The following MFSD6 variants were observed in gnomAD, a reference collection of about 807,000 sequenced individuals.
The protein encoded by MFSD6 is major facilitator superfamily domain containing 6.
In MFSD6, 26 loss-of-function variants were observed where a neutral mutation model predicts 56.3. That is an observed-to-expected ratio of 0.46 (90% CI 0.34 to 0.64). The LOEUF (loss-of-function observed/expected upper bound fraction) is 0.64, where lower values mean the gene tolerates loss of function less well. MFSD6 is among the 30% of genes least tolerant of loss of function. The pLI, the probability that MFSD6 is intolerant of heterozygous loss-of-function variation, is 0.01. For missense variants in MFSD6, 750 were observed against 986.2 expected (o/e 0.76, Z 3.21); for synonymous variants, 331 against 366.9 (o/e 0.90, Z 1.12).
At chr2:190,430,207 C>G (rs905132541) in intron 2 of MFSD6, among the ~76,000 whole-genome samples, 1 of 132,112 alleles carries the variant, frequency 7.6e-6, no homozygotes, top group Admixed American at 7.7e-5. Flanking sequence ...AGTCCTCATT[C>G]TTTTTTTTTT....
rs891629239 is a variant in MFSD6 at position 190,497,725 on chromosome 2, G to A, written c.2172+6G>A. On this transcript the variant is annotated splice_donor_region_variant and intron_variant, in intron 7 of 7. Transcript: ENST00000392328. The surrounding 1 kb of genome is among the most constrained non-coding windows in gnomAD (Gnocchi z 5.2). ...CTGAGATACAGCCTTTACAGGTACA[G>A]TTCCTTTGCTGGGCTAGCAATATTA... 4.4e-6 allele frequency: 7 copies of A among 1,607,488 alleles called. No individual in the cohort carries two copies. The African/African-American group carries it at 6.7e-5, about 15-fold the overall frequency.
chr2:190,408,041 G>T (rs1421404086), upstream of MFSD6, among the ~76,000 whole-genome samples: 1 of 152,132 alleles, frequency 6.6e-6, no homozygotes, highest in Non-Finnish European at 1.5e-5. Context: ...TGCTCCCCGG[G>T]CCCGGCTGGG....
Position 190,458,012 on chromosome 2 carries a change from A to G in MFSD6, c.1533-11746A>G, listed in dbSNP as rs1415676432. 6.6e-6 allele frequency among the ~76,000 whole-genome samples: 1 copy of G among 152,212 alleles called. No individual in the cohort carries two copies. The highest frequency in any genetic ancestry group is 1.9e-4 in the East Asian group (1 of 5,202). On this transcript the variant is annotated intron_variant, in intron 3 of 7. Coordinates refer to ENST00000392328, the MANE Select transcript of MFSD6 (RefSeq NM_017694.4). The surrounding 1 kb of genome is among the most constrained non-coding windows in gnomAD (Gnocchi z 5.3). ...TACAAAATGCGAAGAGTCCTCCTCT[A>G]AGGATACAGCCTCACTCTGACTGTT... is the stretch of plus-strand genomic sequence containing the variant.
chr2:190,435,010 G>A (rs1686129843), intron 2 of MFSD6, among the ~76,000 whole-genome samples: 1 of 152,172 alleles, frequency 6.6e-6, no homozygotes, highest in Non-Finnish European at 1.5e-5. Context: ...TGCTCCTTAT[G>A]AGAACCTAAG....
intron 6 of MFSD6, among the ~76,000 whole-genome samples, chr2:190,493,863 G>A (rs1242975151): frequency 6.6e-6 from 1 of 152,060 alleles, no homozygotes; most frequent in African/African-American, 2.4e-5. Context: ...TACAGCAAAG[G>A]CAATGCTAAG....
chr2:190,445,162 C>A (rs1049136551), intron 3 of MFSD6, among the ~76,000 whole-genome samples: 3 of 152,088 alleles, frequency 2.0e-5, no homozygotes, highest in Middle Eastern at 3.2e-3. Context: ...CAGTTTTATT[C>A]ATCTGTAAAT....
At position 190,457,483 on chromosome 2, in the gene MFSD6, C is replaced by T. The variant is rs1263671514; in HGVS notation, c.1533-12275C>T. On this transcript the variant is annotated intron_variant, in intron 3 of 7. Transcript: ENST00000392328. This position sits in a 1 kb window ranked among gnomAD's most constrained non-coding sequence, Gnocchi z 5.1. The stretch of plus-strand genomic sequence containing the variant: ...AAAAATGTGCACAAAGCCATTCAAA[C>T]AGACCATCTAGCCAGTGATAGGGGA... Among the ~76,000 whole-genome samples the T allele has an allele frequency of 2.0e-5, 3 of 152,182 alleles. No homozygotes were observed. Among genetic ancestry groups the T allele is most frequent in the African/African-American group, 7.2e-5 (3 of 41,436 alleles).
chr2:190,419,652 T>C (rs564505285), intron 2 of MFSD6, among the ~76,000 whole-genome samples: 18 of 152,396 alleles, frequency 1.2e-4, no homozygotes, highest in South Asian at 2.1e-4. Flanking sequence ...TCTTCAAAAG[T>C]TGAATCCATT....
rs755649957 is a variant in MFSD6 at position 190,465,785 on chromosome 2, G to A, written c.1533-3973G>A. On this transcript the variant is annotated intron_variant, in intron 3 of 7. Coordinates refer to ENST00000392328, the MANE Select transcript of MFSD6 (RefSeq NM_017694.4). The surrounding 1 kb of genome is among the most constrained non-coding windows in gnomAD (Gnocchi z 4.6). ...AGGCAGGTGGATCACTTTAGGTTTGGAGTTCAAGACCAGCCTGGCCAACAT... is the reference window on the plus strand; with the variant it reads ...AGGCAGGTGGATCACTTTAGGTTTGAAGTTCAAGACCAGCCTGGCCAACAT... 6.6e-6 allele frequency among the ~76,000 whole-genome samples: 1 copy of A among 152,070 alleles called. No individual in the cohort carries two copies. The highest frequency in any genetic ancestry group is 1.5e-5 in the Non-Finnish European group (1 of 68,006).
Position 190,497,309 on chromosome 2 carries a change from G to A in MFSD6, c.1892-130G>A. The stretch of plus-strand genomic sequence containing the variant: ...CAAGTAATGAAGTCATTGGTAACCA[G>A]CAATTTATTAATATTATCAAGCACT... On this transcript the variant is annotated intron_variant, in intron 6 of 7. Coordinates refer to ENST00000392328, the MANE Select transcript of MFSD6 (RefSeq NM_017694.4). The surrounding 1 kb of genome is among the most constrained non-coding windows in gnomAD (Gnocchi z 5.2). 1.0e-6 allele frequency: 1 copy of A among 1,004,384 alleles called. No homozygotes were observed. Among genetic ancestry groups the A allele is most frequent in the Admixed American group, 2.6e-5 (1 of 38,286 alleles). 62.2% of individuals were successfully genotyped at this position (1,004,384 alleles called of 1,614,324 possible). A position where few individuals can be genotyped will look rare whatever the true frequency, so the allele number is the denominator to read the frequency against.
chr2:190,432,103 A>G (rs1686024914), intron 2 of MFSD6, among the ~76,000 whole-genome samples: 1 of 152,146 alleles, frequency 6.6e-6, no homozygotes, highest in Non-Finnish European at 1.5e-5. Flanking sequence ...TATTTAGTGG[A>G]AGGTCTTGAT....
Position 190,458,445 on chromosome 2 carries a change from C to G in MFSD6, c.1533-11313C>G, listed in dbSNP as rs1687155110. On this transcript the variant is annotated intron_variant, in intron 3 of 7. Transcript: ENST00000392328. This position sits in a 1 kb window ranked among gnomAD's most constrained non-coding sequence, Gnocchi z 5.3. ...AGGGGCCCTGGAGAAACCAACATTG[C>G]CAACACCTTGATTTTGGACTTTTGG... 7.0e-6 allele frequency among the ~76,000 whole-genome samples: 1 copy of G among 142,818 alleles called. No individual in the cohort carries two copies. Among genetic ancestry groups the G allele is most frequent in the African/African-American group, 2.5e-5 (1 of 39,362 alleles). The allele number at this position is 142,818 out of a possible 152,430, so 93.7% of individuals were successfully genotyped here. A position where few individuals can be genotyped will look rare whatever the true frequency, so the allele number is the denominator to read the frequency against.
In MFSD6 at chr2:190,490,920, G is replaced by A. The variant is rs545892884; in HGVS notation, c.1891+1054G>A. 6.6e-6 allele frequency among the ~76,000 whole-genome samples: 1 copy of A among 152,120 alleles called. No individual in the cohort carries two copies. The highest frequency in any genetic ancestry group is 2.4e-5 in the African/African-American group (1 of 41,428). Reference sequence around the variant, plus strand: ...TGAGTTACTCAGAAAGAGCAATACTGTTTTTTCTTACTTTTGTTCTTTTAT... The same window carrying A: ...TGAGTTACTCAGAAAGAGCAATACTATTTTTTCTTACTTTTGTTCTTTTAT... On this transcript the variant is annotated intron_variant, in intron 6 of 7. Transcript: ENST00000392328. This position sits in a 1 kb window ranked among gnomAD's most constrained non-coding sequence, Gnocchi z 4.5.
rs1267509560 is a variant in MFSD6 at position 190,434,159 on chromosome 2, T to A, written c.-53-1818T>A. Among the ~76,000 whole-genome samples the A allele has an allele frequency of 7.0e-6, 1 of 143,532 alleles. No homozygotes were observed. The highest frequency in any genetic ancestry group is 1.5e-5 in the Non-Finnish European group (1 of 66,772). 94.2% of individuals were successfully genotyped at this position (143,532 alleles called of 152,430 possible). A position where few individuals can be genotyped will look rare whatever the true frequency, so the allele number is the denominator to read the frequency against. On this transcript the variant is annotated intron_variant, in intron 2 of 7. Coordinates refer to ENST00000392328, the MANE Select transcript of MFSD6 (RefSeq NM_017694.4). The surrounding 1 kb of genome is among the most constrained non-coding windows in gnomAD (Gnocchi z 4.3). ...TTACACCACTGCACTCCAGCCTGGG[T>A]GACAGAGTAAGACCCTGTCTCTCAA...
At chr2:190,479,837 G>A (rs1337245770) in intron 4 of MFSD6, among the ~76,000 whole-genome samples, 1 of 152,220 alleles carries the variant, frequency 6.6e-6, no homozygotes, top group Non-Finnish European at 1.5e-5. Context: ...GTGGGAGCCG[G>A]GTTAAGATTT....
At position 190,438,385 on chromosome 2, in the gene MFSD6, A is replaced by G. The variant is rs1247900110; in HGVS notation, c.1532+824A>G. Reference sequence around the variant, plus strand: ...ACAAAAGTTAGCCGGGCATGGTGGCACGCACCCGTAGTCCCAGCTACTCGG... The same window carrying G: ...ACAAAAGTTAGCCGGGCATGGTGGCGCGCACCCGTAGTCCCAGCTACTCGG... On this transcript the variant is annotated intron_variant, in intron 3 of 7. Coordinates refer to ENST00000392328, the MANE Select transcript of MFSD6 (RefSeq NM_017694.4). The surrounding 1 kb of genome is among the most constrained non-coding windows in gnomAD (Gnocchi z 5.2). Among the ~76,000 whole-genome samples, 1 of 152,074 alleles carries G rather than the reference A, an allele frequency of 6.6e-6. No individual in the cohort carries two copies. The highest frequency in any genetic ancestry group is 1.5e-5 in the Non-Finnish European group (1 of 68,008).
intron 1 of MFSD6, chr2:190,411,597 A>G: frequency 1.0e-6 from 1 of 978,912 alleles, no homozygotes; most frequent in South Asian, 4.7e-5. Context: ...ACTAAAAAGG[A>G]AAACAAAAGA....
intron 2 of MFSD6, among the ~76,000 whole-genome samples, chr2:190,430,768 C>T (rs1363399581): frequency 6.6e-6 from 1 of 151,906 alleles, no homozygotes; most frequent in East Asian, 1.9e-4. Flanking sequence ...CTCCTCACTT[C>T]CCAGAAGGGG....
chr2:190,470,907 A>ATG (rs1193155015), intron 4 of MFSD6, among the ~76,000 whole-genome samples: 1 of 152,018 alleles, frequency 6.6e-6, no homozygotes, highest in Non-Finnish European at 1.5e-5. Context: ...ATTCAAGTAT[A>ATG]TATATATATA....
Sources: allele counts gnomAD v4.1 joint callset (sites outside exome capture counted in the v4.1 genomes callset), GRCh38; gene constraint gnomAD v4.1.1; non-coding constraint Gnocchi (gnomAD v3.1); transcripts MANE v1.5; gene names NCBI Gene and HGNC (gene_info 2026-07-23, HGNC 2026-07-21).